Variants in MGAM observed in about 807,000 individuals in gnomAD.
The protein encoded by MGAM is alpha-1,4-glucosidase.
A neutral mutation model predicts 358.8 loss-of-function variants in MGAM; 253 were observed. The ratio of observed to expected loss-of-function variants is 0.71; its 90% CI spans 0.64 to 0.78. The LOEUF (loss-of-function observed/expected upper bound fraction) is 0.78, where lower values mean the gene tolerates loss of function less well. Among genes scored for constraint, MGAM ranks in the 30% least tolerant of loss-of-function variants. The pLI, the probability that MGAM is intolerant of heterozygous loss-of-function variation, is 0.00. For synonymous variants in MGAM, 1,105 were observed against 1,227.1 expected (o/e 0.90, Z 2.08); for missense variants, 3,080 against 3,432.6 (o/e 0.90, Z 2.57).
intron 26 of MGAM, among the ~76,000 whole-genome samples, chr7:142,053,844 C>T (rs2129033435): frequency 6.6e-6 from 1 of 152,242 alleles, no homozygotes; most frequent in South Asian, 2.1e-4. Flanking sequence ...TATGTTTGTA[C>T]CCTCCTTGTA....
intron 1 of MGAM, among the ~76,000 whole-genome samples, chr7:141,999,886 C>A (rs1554450104): frequency 1.3e-5 from 2 of 151,726 alleles, no homozygotes; most frequent in Non-Finnish European, 2.9e-5. Context: ...GAAGTAAGGT[C>A]AATCAGATAA....
At chr7:142,062,782 A>G (rs1278835692) in intron 35 of MGAM, 80 bp downstream of exon 35, 31 of 1,576,928 alleles carry the variant, frequency 2.0e-5, no homozygotes, top group South Asian at 4.7e-5. Context: ...CTGACCTTCA[A>G]TCAAGAGGAT....
At chr7:141,996,852 G>T (rs1554448838) in intron 1 of MGAM, among the ~76,000 whole-genome samples, 1 of 152,086 alleles carries the variant, frequency 6.6e-6, no homozygotes, top group African/African-American at 2.4e-5. Flanking sequence ...GTGGAATGTG[G>T]GAGGAGGTCA....
intron 44 of MGAM, among the ~76,000 whole-genome samples, chr7:142,073,382 G>T (rs1447983008): frequency 4.1e-5 from 6 of 145,912 alleles, no homozygotes; most frequent in Admixed American, 2.1e-4. Flanking sequence ...TCCAGTGAGA[G>T]ACAGAGGAGG....
At chr7:142,033,458 A>T (rs1349825868) in intron 14 of MGAM, among the ~76,000 whole-genome samples, 1 of 152,184 alleles carries the variant, frequency 6.6e-6, no homozygotes, top group African/African-American at 2.4e-5. Context: ...CATAGTTTGA[A>T]GAATGCTAGA....
rs782056080 is a variant in MGAM at position 142,022,426 on chromosome 7, C to A, written c.869C>A (p.Thr290Lys). ...WKTWPIFNRD[T>K]TPNGNGTNLY... Reference sequence around the variant, plus strand: ...ACCTGGCCCATATTTAACAGAGACACAACTCCCAATGGAGTAAGCTTTCAA... The same window carrying A: ...ACCTGGCCCATATTTAACAGAGACAAAACTCCCAATGGAGTAAGCTTTCAA... Residue 290 changes from threonine to lysine, a missense_variant, in exon 7 of 71, where the codon ACA (threonine) becomes AAA (lysine). Transcript: ENST00000475668. The A allele has an allele frequency of 2.5e-6, 4 of 1,613,128 alleles. No individual in the cohort carries two copies. Among genetic ancestry groups the A allele is most frequent in the Non-Finnish European group, 2.5e-6 (3 of 1,179,404 alleles).
rs1196718914 is a variant in MGAM, at chr7:142,065,950, T to C, written c.4770+119T>C. 4.0e-6 allele frequency: 3 copies of C among 751,642 alleles called. No homozygotes were observed. The African/African-American group carries it at 6.7e-5, about 17-fold the overall frequency. 46.6% of individuals were successfully genotyped at this position (751,642 alleles called of 1,614,324 possible). A position where few individuals can be genotyped will look rare whatever the true frequency, so the allele number is the denominator to read the frequency against. Reference sequence around the variant, plus strand: ...ATATCTTTAAAAAAAGGTGTTTTTTTTTGTTTTGTTTTGTTTTGTTTTTTT... The same window carrying C: ...ATATCTTTAAAAAAAGGTGTTTTTTCTTGTTTTGTTTTGTTTTGTTTTTTT... On this transcript the variant is annotated intron_variant, in intron 40 of 70. Transcript: ENST00000475668.
rs769064533 is a variant in MGAM, at chr7:142,076,752, A to T, written c.5419A>T (p.Ser1807Cys). ...TAAAATTCTTGGGATGGAGGAACCT[A>T]GCAATGTTACGGTGAAACACAATGG... is the stretch of plus-strand genomic sequence containing the variant. ...EIKILGMEEP[S>C]NVTVKHNGVP... Residue 1807 changes from serine (S) to cysteine (C), a missense_variant, in exon 47 of 71, where the codon AGC (serine) becomes TGC (cysteine). Physicochemically the swap from Ser to Cys is moderately radical, Grantham distance 112. This residue lies in a region of MGAM where 932 missense variants were observed against 1,198.2 expected (regional missense o/e 0.78). Transcript: ENST00000475668. 1 of 1,554,684 alleles carries T rather than the reference A, an allele frequency of 6.4e-7. No individual in the cohort carries two copies. The highest frequency in any genetic ancestry group is 8.8e-7 in the Non-Finnish European group (1 of 1,130,990).
At chr7:142,095,755 A>G in intron 64 of MGAM, 42 bp downstream of exon 64, 1 of 1,605,410 alleles carries the variant, frequency 6.2e-7, no homozygotes, top group Non-Finnish European at 8.5e-7. Flanking sequence ...TGGATGACTT[A>G]TTGCATTCTA....
intron 65 of MGAM, among the ~76,000 whole-genome samples, chr7:142,097,005 T>G (rs1159038451): frequency 6.6e-6 from 1 of 151,518 alleles, no homozygotes; most frequent in African/African-American, 2.4e-5. Context: ...GTCAGCTCAG[T>G]GCAACCTCTG....
Position 142,021,559 on chromosome 7 carries a change from T to G in MGAM, c.559-27T>G, listed in dbSNP as rs781796409. 30 of 1,607,490 alleles carry G rather than the reference T, an allele frequency of 1.9e-5. No homozygotes were observed. In the Admixed American group the frequency reaches 5.1e-4, roughly 27 times the overall value. The stretch of plus-strand genomic sequence containing the variant: ...AGCTCTGACAAGTTTTTATTTTGGC[T>G]TTCCTTCTATTTCTATCTCTGCACA... On this transcript the variant is annotated intron_variant, in intron 5 of 70. Coordinates refer to ENST00000475668, the MANE Select transcript of MGAM (RefSeq NM_001365693.1).
intron 10 of MGAM, chr7:142,030,077 G>A: frequency 2.9e-6 from 1 of 347,570 alleles, no homozygotes; most frequent in Non-Finnish European, 5.4e-6. Context: ...TGTCATAATT[G>A]GTGTTGCTTG....
intron 1 of MGAM, among the ~76,000 whole-genome samples, chr7:141,998,688 G>A (rs1804479348): frequency 6.6e-6 from 1 of 152,140 alleles, no homozygotes; most frequent in Non-Finnish European, 1.5e-5. Context: ...CCAAGTCTTT[G>A]CTATTGTAAA....
At position 142,094,852 on chromosome 7, in the gene MGAM, A is replaced by G; in HGVS notation, c.7447A>G (p.Ile2483Val). The G allele has an allele frequency of 1.9e-6, 3 of 1,613,926 alleles. No individual in the cohort carries two copies. The highest frequency in any genetic ancestry group is 2.5e-6 in the Non-Finnish European group (3 of 1,179,862). ...CCCCTTCTCAAGAAACCACAACACC[A>G]TTGGGACCAGGGTAGGACAGTGGCC... ...FYPFSRNHNT[I>V]GTRRQDPVSW... Residue 2483 changes from isoleucine (I) to valine (V), a missense_variant, in exon 63 of 71, where the codon ATT becomes GTT. Ile to Val is a conservative substitution (Grantham distance 29). Around this residue, in one of 5 missense-constraint regions of MGAM, gnomAD observed 932 missense variants for 1,198.2 expected, o/e 0.78. Coordinates refer to ENST00000475668, the MANE Select transcript of MGAM (RefSeq NM_001365693.1).
chr7:142,045,435 T>C (rs1459766645), intron 21 of MGAM, among the ~76,000 whole-genome samples: 3 of 111,822 alleles, frequency 2.7e-5, no homozygotes, highest in East Asian at 2.5e-4. Context: ...ATACATGATA[T>C]ATTATATATA....
At chr7:142,044,435 T>C (rs1249106276) in intron 21 of MGAM, among the ~76,000 whole-genome samples, 1 of 139,842 alleles carries the variant, frequency 7.2e-6, no homozygotes, top group East Asian at 2.1e-4. Context: ...ACATACGATA[T>C]ATATAATGAA....
chr7:142,092,435 C>A, intron 58 of MGAM, 86 bp from the exon 59 acceptor site: 1 of 1,281,696 alleles, frequency 7.8e-7, no homozygotes, highest in Non-Finnish European at 1.1e-6. Flanking sequence ...GGATGTTGAA[C>A]AATGTATTCA....
At chr7:142,046,239 T>A (rs1810401571) in intron 21 of MGAM, among the ~76,000 whole-genome samples, 1 of 151,076 alleles carries the variant, frequency 6.6e-6, no homozygotes, top group Non-Finnish European at 1.5e-5. Flanking sequence ...TCAAGAACAG[T>A]TGTATACTCT....
intron 21 of MGAM, 55 bp from the exon 22 acceptor site, chr7:142,047,730 G>A (rs1314610944): frequency 1.5e-5 from 22 of 1,499,096 alleles, no homozygotes; most frequent in Non-Finnish European, 1.9e-5. Flanking sequence ...TTCTCAGCTC[G>A]GCTGGCAAAA....
Sources: gnomAD v4.1 joint callset for allele counts (sites outside exome capture counted in the v4.1 genomes callset) on GRCh38, gnomAD v4.1.1 for gene constraint, gnomAD v4.1.1 regional missense constraint, MANE v1.5 for transcripts, NCBI Gene and HGNC (gene_info 2026-07-23, HGNC 2026-07-21) for gene names.